HERC6: variants seen among roughly 807,000 people sequenced by gnomAD.
The protein encoded by HERC6 is probable E3 ubiquitin-protein ligase HERC6.
Under a neutral mutation model 114.5 loss-of-function variants are expected in HERC6, and 101 were observed. The ratio of observed to expected loss-of-function variants is 0.88; its 90% CI spans 0.75 to 1.04. The LOEUF is 1.04. HERC6 is among the 50% of genes least tolerant of loss of function. The pLI is 0.00. For missense variants in HERC6, 1,133 were observed against 1,230.9 expected (o/e 0.92, Z 1.19); for synonymous variants, 408 against 436.2 (o/e 0.94, Z 0.81).
chr4:88,423,789 T>C, intron 13 of HERC6, 71 bp from the exon 14 acceptor site: 1 of 622,184 alleles, frequency 1.6e-6, no homozygotes, highest in Non-Finnish European at 2.7e-6. Context: ...GCCATACATA[T>C]ATATCTATAT....
intron 14 of HERC6, among the ~76,000 whole-genome samples, 168 bp downstream of exon 14, chr4:88,424,141 C>G (rs1239265059): frequency 6.6e-6 from 1 of 152,094 alleles, no homozygotes; most frequent in Non-Finnish European, 1.5e-5. Flanking sequence ...ATATTTTAAT[C>G]ATAAAACAAA....
intron 15 of HERC6, among the ~76,000 whole-genome samples, chr4:88,425,506 T>A (rs1260621939): frequency 6.6e-6 from 1 of 152,200 alleles, no homozygotes; most frequent in Non-Finnish European, 1.5e-5. Context: ...TTAATTGCTG[T>A]GTTCTTAAGT....
At position 88,442,448 on chromosome 4, in the gene HERC6, C is replaced by A; in HGVS notation, c.3057C>A (p.Leu1019=). 1 of 1,613,320 alleles carries A rather than the reference C, an allele frequency of 6.2e-7. No homozygotes were observed. Among genetic ancestry groups the A allele is most frequent in the Non-Finnish European group, 8.5e-7 (1 of 1,179,556 alleles). The change falls in exon 23 of 23, where the codon CTC becomes CTA. Residue 1019 remains leucine, a synonymous_variant. Transcript: ENST00000264346. ...NNNRGFVSPM[L]TQS is the part of the protein sequence containing the mutation. Reference sequence around the variant, plus strand: ...ACAGAGGATTTGTCTCACCCATGCTCACACAGTCATAATCACCTCTGAGAG... The same window carrying A: ...ACAGAGGATTTGTCTCACCCATGCTAACACAGTCATAATCACCTCTGAGAG...
intron 22 of HERC6, among the ~76,000 whole-genome samples, chr4:88,441,901 A>G (rs1254046945): frequency 6.6e-6 from 1 of 151,990 alleles, no homozygotes; most frequent in African/African-American, 2.4e-5. Context: ...GCCTGGTGTG[A>G]CCTCTGTGAA....
At chr4:88,405,503 A>T in intron 9 of HERC6, 51 bp from the exon 10 acceptor site, 1 of 962,066 alleles carries the variant, frequency 1.0e-6, no homozygotes, top group African/African-American at 1.7e-5. Flanking sequence ...GATTTTCAAA[A>T]GGCATGCTTT....
In HERC6 at chr4:88,396,923, C is replaced by CA. The variant is rs1735262665; in HGVS notation, c.962dup (p.Pro322AlafsTer12). 1.2e-6 allele frequency: 2 copies of CA among 1,611,580 alleles called. No homozygotes were observed. The highest frequency in any genetic ancestry group is 4.5e-5 in the East Asian group (2 of 44,776). ...TTGGTCATGGACCAAGTGACACAAG[C>CA]AAGCCAACTCATCCGGAGGCCCTGA... On this transcript the variant is annotated frameshift_variant, in exon 7 of 23. Coordinates refer to ENST00000264346, the MANE Select transcript of HERC6 (RefSeq NM_017912.4). LOFTEE classifies it high-confidence loss of function.
intron 10 of HERC6, among the ~76,000 whole-genome samples, chr4:88,405,974 A>G (rs796628662): frequency 2.0e-5 from 3 of 152,362 alleles, no homozygotes; most frequent in African/African-American, 7.2e-5. Flanking sequence ...TGTATGATCA[A>G]TTAAAAAATA....
intron 11 of HERC6, among the ~76,000 whole-genome samples, chr4:88,411,773 T>C (rs886451457): frequency 6.6e-6 from 1 of 152,188 alleles, no homozygotes; most frequent in African/African-American, 2.4e-5. Context: ...CTTTCCAGCA[T>C]CTCTAGGCCC....
rs753099694 is a variant in HERC6, at chr4:88,436,939, G to A, written c.2452G>A (p.Asp818Asn). The A allele has an allele frequency of 1.9e-5, 30 of 1,607,890 alleles. No individual in the cohort carries two copies. Among genetic ancestry groups the A allele is most frequent in the Non-Finnish European group, 2.5e-5 (30 of 1,176,732 alleles). ...AGAAGTTCTAGATGATGCTGCTGAT[G>A]ACATTGGAGATGCGCTCTGCATACG... is the stretch of plus-strand genomic sequence containing the variant. ...LQEVLDDAAD[D>N]IGDALCIRFS... Residue 818 changes from aspartate (D) to asparagine (N), a missense_variant, in exon 19 of 23, where the codon GAC becomes AAC. Asp to Asn is a conservative substitution (Grantham distance 23). Around this residue, in one of 3 missense-constraint regions of HERC6, gnomAD observed 388 missense variants for 445.9 expected, o/e 0.87. Coordinates refer to ENST00000264346, the MANE Select transcript of HERC6 (RefSeq NM_017912.4).
At position 88,379,114 on chromosome 4, in the gene HERC6, C is replaced by T; in HGVS notation, c.193C>T (p.Leu65=). ...LGRRGAQRGE[L]PEPIQALETL... Reference sequence around the variant, plus strand: ...CCGCAGGGGCGCGCAGCGCGGGGAGCTGCCAGGTGAGCGGGGGGCCCCAGG... The same window carrying T: ...CCGCAGGGGCGCGCAGCGCGGGGAGTTGCCAGGTGAGCGGGGGGCCCCAGG... The change falls in exon 1 of 23, where the codon CTG becomes TTG. Residue 65 remains leucine (L), a synonymous_variant. Coordinates refer to ENST00000264346, the MANE Select transcript of HERC6 (RefSeq NM_017912.4). 6.5e-7 allele frequency: 1 copy of T among 1,541,554 alleles called. No individual in the cohort carries two copies.
chr4:88,409,585 A>G (rs558845541), intron 11 of HERC6, among the ~76,000 whole-genome samples: 1 of 152,340 alleles, frequency 6.6e-6, no homozygotes, highest in Non-Finnish European at 1.5e-5. Flanking sequence ...CTAGCATGAT[A>G]TAGGAAAAGA....
intron 9 of HERC6, 82 bp downstream of exon 9, chr4:88,405,079 T>C: frequency 2.0e-6 from 3 of 1,530,206 alleles, no homozygotes; most frequent in Non-Finnish European, 2.6e-6. Context: ...GAGGTTTTGG[T>C]TTTGTTGTGA....
chr4:88,404,023 G>A (rs972915125), intron 8 of HERC6, among the ~76,000 whole-genome samples: 29 of 151,622 alleles, frequency 1.9e-4, no homozygotes, highest in African/African-American at 4.6e-4. Context: ...CCCTCTCTCC[G>A]CCCCCAGCTT....
chr4:88,440,540 G>A, intron 22 of HERC6: 1 of 312,144 alleles, frequency 3.2e-6, no homozygotes, highest in Non-Finnish European at 5.9e-6. Flanking sequence ...CTAGTGAGGA[G>A]GTGGTGTCTG....
rs148903219 is a variant in HERC6 at position 88,397,179 on chromosome 4, C to A, written c.1024+192C>A. 6.4e-3 allele frequency among the ~76,000 whole-genome samples: 976 copies of A among 151,924 alleles called. 13 individuals are homozygous for A. The highest frequency in any genetic ancestry group is 0.023 in the African/African-American group (937 of 41,412). On this transcript the variant is annotated intron_variant, in intron 7 of 22. Coordinates refer to ENST00000264346, the MANE Select transcript of HERC6 (RefSeq NM_017912.4). ...CCAGGCTGGAGTGCAATGACGTGAT[C>A]TTGGCTCACCATAACCTCCGCCTCC... is the stretch of plus-strand genomic sequence containing the variant.
intron 13 of HERC6, among the ~76,000 whole-genome samples, chr4:88,422,424 A>C (rs897989960): frequency 6.6e-6 from 1 of 152,188 alleles, no homozygotes; most frequent in African/African-American, 2.4e-5. Context: ...TTTTGTAGAT[A>C]CGTTTTTAAA....
At chr4:88,393,691 A>G (rs1735044041) in intron 5 of HERC6, 109 bp downstream of exon 5, 4 of 556,778 alleles carry the variant, frequency 7.2e-6, no homozygotes, top group Non-Finnish European at 1.3e-5. Flanking sequence ...TTGGGCCACT[A>G]TAACAAAATA....
At chr4:88,402,150 C>A (rs1355014657) in intron 8 of HERC6, among the ~76,000 whole-genome samples, 2 of 152,284 alleles carry the variant, frequency 1.3e-5, no homozygotes, top group African/African-American at 4.8e-5. Context: ...GCAGGTTTTA[C>A]TCTAAAGGAG....
chr4:88,442,559 AG>A lies in HERC6; in HGVS notation c.*100del, dbSNP rs1739447504. On this transcript the variant is annotated 3_prime_UTR_variant, in exon 23 of 23. Coordinates refer to ENST00000264346, the MANE Select transcript of HERC6 (RefSeq NM_017912.4). ...AAGAGATTAATGAATAGTGGTTAGA[AG>A]TAGTTGAGGGAGAGATTGGGGGAAT... 1 of 929,552 alleles carries A rather than the reference AG, an allele frequency of 1.1e-6. No individual in the cohort carries two copies. The allele number at this position is 929,552 out of a possible 1,614,324, so 57.6% of individuals were successfully genotyped here.
Sources: allele counts gnomAD v4.1 joint callset (sites outside exome capture counted in the v4.1 genomes callset), GRCh38; gene constraint gnomAD v4.1.1; regional missense constraint gnomAD v4.1.1; transcripts MANE v1.5; gene names NCBI Gene and HGNC (gene_info 2026-07-23, HGNC 2026-07-21).